MED30: variants seen among roughly 807,000 people sequenced by gnomAD.
MED30 encodes the protein mediator of RNA polymerase II transcription subunit 30.
MED30 carries 8 observed loss-of-function variants against 21.7 expected under a neutral mutation model. The observed-to-expected ratio is 0.37, with a 90% CI of 0.22 to 0.67. The LOEUF (loss-of-function observed/expected upper bound fraction) is 0.67, where lower values mean the gene tolerates loss of function less well. Ranked by LOEUF, MED30 falls within the 30% of genes least tolerant of loss-of-function variation. The probability of loss-of-function intolerance (pLI) is 0.58; values close to 1 mark genes in which losing one functional copy is unlikely to be tolerated. For synonymous variants in MED30, 79 were observed against 86.7 expected (o/e 0.91, Z 0.49); for missense variants, 203 against 228.2 (o/e 0.89, Z 0.71).
rs1265126215 is a variant in MED30 at position 117,520,742 on chromosome 8, G to A, written c.-135G>A. 2.3e-6 allele frequency: 2 copies of A among 856,882 alleles called. No homozygotes were observed. The highest frequency in any genetic ancestry group is 1.8e-5 in the South Asian group (1 of 54,998). 53.1% of individuals were successfully genotyped at this position (856,882 alleles called of 1,614,324 possible). ...TACGTCACAGTGGGCGGAAGTCGCG[G>A]CCGCTGTTTTGAAATCGGGCCGCGG... On this transcript the variant is annotated 5_prime_UTR_variant, in exon 1 of 4. Transcript: ENST00000297347.
chr8:117,522,549 A>G (rs537331184), intron 1 of MED30, among the ~76,000 whole-genome samples: 50 of 152,044 alleles, frequency 3.3e-4, no homozygotes, highest in Non-Finnish European at 5.7e-4. Flanking sequence ...GCCCAAACCT[A>G]GTCAGTGGTA....
At chr8:117,539,039 T>A (rs1818932935) in intron 3 of MED30, among the ~76,000 whole-genome samples, 1 of 152,244 alleles carries the variant, frequency 6.6e-6, no homozygotes. Flanking sequence ...GTTGAATGTT[T>A]ACTTATGTGT....
At chr8:117,535,281 G>A (rs1008929478) in intron 3 of MED30, among the ~76,000 whole-genome samples, 1 of 112,804 alleles carries the variant, frequency 8.9e-6, no homozygotes, top group Non-Finnish European at 1.7e-5. Flanking sequence ...ATCTCTCTCT[G>A]TCACCCAGGC....
chr8:117,521,486 TAA>T (rs1464651936), intron 1 of MED30, among the ~76,000 whole-genome samples: 1 of 152,218 alleles, frequency 6.6e-6, no homozygotes, highest in African/African-American at 2.4e-5. Flanking sequence ...TACACTCACC[TAA>T]AGTTTTGATA....
At chr8:117,539,345 A>G (rs1284683633) in intron 3 of MED30, among the ~76,000 whole-genome samples, 1 of 152,040 alleles carries the variant, frequency 6.6e-6, no homozygotes, top group Admixed American at 6.6e-5. Flanking sequence ...AAAAAACTAG[A>G]TGGGTGTGGT....
At chr8:117,525,605 C>T (rs1818707040) in intron 1 of MED30, among the ~76,000 whole-genome samples, 1 of 151,972 alleles carries the variant, frequency 6.6e-6, no homozygotes, top group South Asian at 2.1e-4. Flanking sequence ...TTTAAAATTT[C>T]AGCCTTTACA....
chr8:117,537,480 ATTTTTTT>A (rs1818899676), intron 3 of MED30, among the ~76,000 whole-genome samples: 1 of 152,106 alleles, frequency 6.6e-6, no homozygotes, highest in Admixed American at 6.5e-5. Context: ...TTGTATGCTA[ATTTTTTT>A]AATTTAAAAC....
intron 3 of MED30, among the ~76,000 whole-genome samples, chr8:117,532,039 A>C (rs954151787): frequency 6.6e-6 from 1 of 152,072 alleles, no homozygotes; most frequent in Non-Finnish European, 1.5e-5. Flanking sequence ...GTAACAATTA[A>C]TATTAAGTAG....
At position 117,528,785 on chromosome 8, in the gene MED30, T is replaced by C. The variant is rs372134015; in HGVS notation, c.312T>C (p.Gly104=). ...LVYDKCNENC[G]GMDPIPVEQL... The stretch of plus-strand genomic sequence containing the variant: ...ATGACAAATGCAATGAAAACTGTGG[T>C]GGGATGGATCCCATTCCAGTCGAGG... The change falls in exon 2 of 4, where the codon GGT becomes GGC. Residue 104 remains glycine, a synonymous_variant. Transcript: ENST00000297347. 3.1e-6 allele frequency: 5 copies of C among 1,605,830 alleles called. No individual in the cohort carries two copies. In the African/African-American group the frequency reaches 6.7e-5, roughly 22 times the overall value.
At chr8:117,523,790 C>T (rs142683331) in intron 1 of MED30, 13 of 741,690 alleles carry the variant, frequency 1.8e-5, no homozygotes, top group Middle Eastern at 4.0e-4. Context: ...GGGCGGATCA[C>T]GAGGTCAGGA....
Position 117,539,924 on chromosome 8 carries a change from T to A in MED30, c.483T>A (p.Asp161Glu), listed in dbSNP as rs1818950160. The change falls in exon 4 of 4, where the codon GAT (aspartate) becomes GAA (glutamate). Residue 161 changes from aspartate (D) to glutamate (E), a missense_variant. Asp to Glu is a conservative substitution (Grantham distance 45). Transcript: ENST00000297347. ...ATCAACAGCTGAAACAAATTATGGA[T>A]CAATTACGAAATCTCATCTGGGATA... ...QKNQQLKQIM[D>E]QLRNLIWDIN... 1.2e-6 allele frequency: 2 copies of A among 1,609,246 alleles called. No individual in the cohort carries two copies. Among genetic ancestry groups the A allele is most frequent in the Non-Finnish European group, 1.7e-6 (2 of 1,177,988 alleles).
chr8:117,533,324 CAT>C (rs1432576290), intron 3 of MED30, among the ~76,000 whole-genome samples: 3 of 151,930 alleles, frequency 2.0e-5, no homozygotes, highest in Admixed American at 2.0e-4. Flanking sequence ...TATCTACTGA[CAT>C]AGAGTTTTGT....
chr8:117,521,018 A>T lies in MED30; in HGVS notation c.142A>T (p.Thr48Ser). 1 of 1,598,392 alleles carries T rather than the reference A, an allele frequency of 6.3e-7. No homozygotes were observed. Among genetic ancestry groups the T allele is most frequent in the Non-Finnish European group, 8.5e-7 (1 of 1,170,352 alleles). ...GACAGTGCAGGACATCGTGTACCGC[A>T]CCATGGAGATCTTCCAGCTCCTGAG... Reference protein sequence around the residue: ...QETVQDIVYRTMEIFQLLRNM... With the variant: ...QETVQDIVYRSMEIFQLLRNM... The change falls in exon 1 of 4, where the codon ACC becomes TCC. Residue 48 changes from threonine (T) to serine (S), a missense_variant. Transcript: ENST00000297347.
In MED30 at chr8:117,520,798, G is replaced by T; in HGVS notation, c.-79G>T. On this transcript the variant is annotated 5_prime_UTR_variant, in exon 1 of 4. Coordinates refer to ENST00000297347, the MANE Select transcript of MED30 (RefSeq NM_080651.4). ...CTCTCAAGCTGGTTCCAACGCTGAG[G>T]CCCCACAGCCTCCCAATTCCGGGCA... 2 of 1,391,010 alleles carry T rather than the reference G, an allele frequency of 1.4e-6. No individual in the cohort carries two copies. Among genetic ancestry groups the T allele is most frequent in the Non-Finnish European group, 1.9e-6 (2 of 1,047,626 alleles). The allele number at this position is 1,391,010 out of a possible 1,614,324, so 86.2% of individuals were successfully genotyped here.
chr8:117,534,487 C>T (rs1818838179), intron 3 of MED30, among the ~76,000 whole-genome samples: 1 of 151,906 alleles, frequency 6.6e-6, no homozygotes, highest in Non-Finnish European at 1.5e-5. Flanking sequence ...CTTTTAACTT[C>T]AGGATAAAAC....
Position 117,530,804 on chromosome 8 carries a change from C to A in MED30, c.418C>A (p.Arg140=), listed in dbSNP as rs142274750. ...GPPRFASEER[R]EIAEVNKKLK... ...ACCTCGTTTTGCTAGTGAAGAGAGG[C>A]GAGAAATTGCTGAAGTAAATAAAGT... The change falls in exon 3 of 4, where the codon CGA becomes AGA. Residue 140 remains arginine (R), a synonymous_variant. Coordinates refer to ENST00000297347, the MANE Select transcript of MED30 (RefSeq NM_080651.4). 88 of 1,609,066 alleles carry A rather than the reference C, an allele frequency of 5.5e-5. 1 individual carries two copies. In the African/African-American group the frequency reaches 9.0e-4, roughly 16 times the overall value.
chr8:117,532,208 C>T (rs968047694), intron 3 of MED30, among the ~76,000 whole-genome samples: 2 of 151,902 alleles, frequency 1.3e-5, no homozygotes, highest in African/African-American at 2.4e-5. Flanking sequence ...CAGTAACAAT[C>T]CAAATCCTAA....
chr8:117,528,610 T>C, intron 1 of MED30, 41 bp from the exon 2 acceptor site: 1 of 1,505,732 alleles, frequency 6.6e-7, no homozygotes, highest in Non-Finnish European at 8.9e-7. Flanking sequence ...TGATTTTTTT[T>C]TCATTACTTG....
chr8:117,522,216 A>G (rs950909282), intron 1 of MED30, among the ~76,000 whole-genome samples: 2 of 152,190 alleles, frequency 1.3e-5, no homozygotes, highest in Non-Finnish European at 2.9e-5. Flanking sequence ...GTTCTTTTAT[A>G]GATTTTGGTT....
Sources: allele counts gnomAD v4.1 joint callset (sites outside exome capture counted in the v4.1 genomes callset), GRCh38; gene constraint gnomAD v4.1.1; transcripts MANE v1.5; gene names NCBI Gene and HGNC (gene_info 2026-07-23, HGNC 2026-07-21).